ZFHX3: variants seen among roughly 807,000 people sequenced by gnomAD.
ZFHX3 encodes zinc finger homeobox protein 3.
ZFHX3 carries 42 observed loss-of-function variants against 279.1 expected under a neutral mutation model. The observed-to-expected ratio is 0.15, with a 90% CI of 0.12 to 0.19. ZFHX3 has a LOEUF of 0.19. ZFHX3 is among the 10% of genes least tolerant of loss of function. The pLI is 1.00. For missense variants in ZFHX3, 4,981 were observed against 4,754.0 expected, an observed-to-expected ratio of 1.05 and a Z score of -1.40; for synonymous variants, 2,293 against 1,957.8, an observed-to-expected ratio of 1.17 and a Z score of -4.52.
chr16:73,691,493 G>C (rs1567553256), intron 1 of ZFHX3, among the ~76,000 whole-genome samples: 1 of 152,132 alleles, frequency 6.6e-6, no homozygotes, highest in Non-Finnish European at 1.5e-5. Context: ...TTAAATCCTG[G>C]CTCTACCATG....
intron 3 of ZFHX3, among the ~76,000 whole-genome samples, chr16:72,924,621 C>T (rs1377041930): frequency 3.9e-5 from 6 of 152,048 alleles, no homozygotes; most frequent in Non-Finnish European, 5.9e-5. Flanking sequence ...CGGCTGGGTG[C>T]GCAGAACTAC....
chr16:72,933,813 C>CTTTTTTTGTT (rs1959953218), intron 3 of ZFHX3, among the ~76,000 whole-genome samples: 1 of 112,458 alleles, frequency 8.9e-6, no homozygotes, highest in Non-Finnish European at 2.0e-5. Context: ...TCACAACTTT[C>CTTTTTTTGTT]TTTTTTTTTT....
intron 2 of ZFHX3, among the ~76,000 whole-genome samples, chr16:73,676,354 G>A (rs931828672): frequency 6.6e-6 from 1 of 152,100 alleles, no homozygotes; most frequent in African/African-American, 2.4e-5. Context: ...GTTGCAGGGT[G>A]GGGGAGATGA....
At position 72,794,214 on chromosome 16, in the gene ZFHX3, A is replaced by C; in HGVS notation, c.8468T>G (p.Leu2823Arg). The C allele has an allele frequency of 1.2e-6, 2 of 1,614,192 alleles. No individual in the cohort carries two copies. The highest frequency in any genetic ancestry group is 1.7e-6 in the Non-Finnish European group (2 of 1,180,042). The change falls in exon 9 of 10, where the codon CTA becomes CGA. Residue 2823 changes from leucine to arginine, a missense_variant. Around this residue, in one of 7 missense-constraint regions of ZFHX3, gnomAD observed 744 missense variants for 701.3 expected, o/e 1.06. Transcript: ENST00000268489. The surrounding 1 kb of genome is among the most constrained non-coding windows in gnomAD (Gnocchi z 4.2). ...GTCCAGCTTAGTTTGGTCAAAGTTT[A>C]GATTAACTGAGGACATGGAGGGGCT... Reference protein sequence around the residue: ...FESPSMSSVNLNFDQTKLDND... With the variant: ...FESPSMSSVNRNFDQTKLDND...
chr16:72,821,008 A>G (rs1357166187), intron 5 of ZFHX3, among the ~76,000 whole-genome samples: 3 of 152,224 alleles, frequency 2.0e-5, no homozygotes, highest in Admixed American at 6.5e-5. Context: ...CAATATAACA[A>G]TATTCTTCTG....
At chr16:73,063,305 T>C (rs1318777724), upstream of ZFHX3, among the ~76,000 whole-genome samples, 1 of 152,146 alleles carries the variant, frequency 6.6e-6, no homozygotes, top group Non-Finnish European at 1.5e-5. Context: ...TTCTCCTGCC[T>C]CTGGAAATGG....
At chr16:73,319,470 C>T (rs909307010) in intron 3 of ZFHX3, among the ~76,000 whole-genome samples, 13 of 151,992 alleles carry the variant, frequency 8.6e-5, no homozygotes, top group South Asian at 6.2e-4. Flanking sequence ...AAAGGGCTTC[C>T]GAGCGTTGTT....
intron 1 of ZFHX3, among the ~76,000 whole-genome samples, chr16:73,849,260 G>A (rs1961533189): frequency 6.6e-6 from 1 of 152,222 alleles, no homozygotes; most frequent in African/African-American, 2.4e-5. Flanking sequence ...CTGCTATGAA[G>A]CCACATCTCA....
chr16:73,889,008 A>G (rs1346122293), intron 1 of ZFHX3, among the ~76,000 whole-genome samples: 1 of 151,690 alleles, frequency 6.6e-6, no homozygotes, highest in Non-Finnish European at 1.5e-5. Flanking sequence ...AGGCTCCACC[A>G]TCTAATAGAA....
chr16:73,688,332 G>T (rs2053112595), intron 1 of ZFHX3, among the ~76,000 whole-genome samples: 1 of 148,822 alleles, frequency 6.7e-6, no homozygotes, highest in South Asian at 2.2e-4. Flanking sequence ...ACTCCAGCCT[G>T]GGTGACAGAG....
At chr16:73,192,649 G>A (rs181864838) in intron 5 of ZFHX3, among the ~76,000 whole-genome samples, 99 of 152,312 alleles carry the variant, frequency 6.5e-4, no homozygotes, top group African/African-American at 2.3e-3. Flanking sequence ...AAGTGAGTGA[G>A]GGCTGATCCT....
intron 3 of ZFHX3, among the ~76,000 whole-genome samples, chr16:73,345,933 G>C (rs1597294065): frequency 6.6e-6 from 1 of 152,228 alleles, no homozygotes; most frequent in East Asian, 1.9e-4. Flanking sequence ...GAACATGTTG[G>C]TTCTGGGTTG....
intron 1 of ZFHX3, chr16:73,006,251 C>T (rs915464516): frequency 2.0e-5 from 3 of 152,184 alleles, no homozygotes; most frequent in Admixed American, 2.0e-4. Context: ...CTGCCTGTTT[C>T]TTCATTGAGA....
chr16:73,297,279 A>T (rs1167286499), intron 4 of ZFHX3, among the ~76,000 whole-genome samples: 1 of 151,966 alleles, frequency 6.6e-6, no homozygotes, highest in Non-Finnish European at 1.5e-5. Flanking sequence ...TGGAGCCAAG[A>T]TGCAAACCCA....
chr16:73,017,155 C>T lies in ZFHX3; in HGVS notation c.-50+30597G>A, dbSNP rs533058471. On this transcript the variant is annotated intron_variant, in intron 1 of 9. Transcript: ENST00000268489. The stretch of plus-strand genomic sequence containing the variant: ...AGGCAGGAAGATCACCTCCCTCAGC[C>T]TTGGGAGGTTGAGGCTGCATGGAGC... Among the ~76,000 whole-genome samples, 3 of 151,026 alleles carry T rather than the reference C, an allele frequency of 2.0e-5. No homozygotes were observed. In the South Asian group the frequency reaches 6.3e-4, roughly 32 times the overall value.
intron 4 of ZFHX3, among the ~76,000 whole-genome samples, chr16:73,263,378 G>A (rs2013877668): frequency 6.6e-6 from 1 of 152,006 alleles, no homozygotes; most frequent in Non-Finnish European, 1.5e-5. Context: ...TTAAGAGATG[G>A]GGGTCACAGT....
intron 2 of ZFHX3, among the ~76,000 whole-genome samples, chr16:73,552,018 A>AGT (rs1198602016): frequency 1.3e-5 from 2 of 151,876 alleles, no homozygotes; most frequent in East Asian, 1.9e-4. Flanking sequence ...TGAATGAGTG[A>AGT]GTGTGTGTGT....
At chr16:73,169,492 A>G (rs958662076) in intron 5 of ZFHX3, among the ~76,000 whole-genome samples, 4 of 152,264 alleles carry the variant, frequency 2.6e-5, no homozygotes, top group African/African-American at 7.2e-5. Context: ...ATCCAAAAAA[A>G]TTAGCTGGGT....
At chr16:73,724,847 C>G (rs1295804532) in intron 1 of ZFHX3, among the ~76,000 whole-genome samples, 1 of 152,214 alleles carries the variant, frequency 6.6e-6, no homozygotes, top group African/African-American at 2.4e-5. Flanking sequence ...CTCAACCACT[C>G]CATGCATCCC....
Sources: allele counts gnomAD v4.1 joint callset (sites outside exome capture counted in the v4.1 genomes callset), GRCh38; gene constraint gnomAD v4.1.1; regional missense constraint gnomAD v4.1.1; non-coding constraint Gnocchi (gnomAD v3.1); transcripts MANE v1.5; gene names NCBI Gene and HGNC (gene_info 2026-07-23, HGNC 2026-07-21).